The following PCDHGA11 variants were observed in gnomAD, a reference collection of about 807,000 sequenced individuals.
PCDHGA11 encodes protocadherin gamma-A11.
Under a neutral mutation model 60.4 loss-of-function variants are expected in PCDHGA11, and 39 were observed. The ratio of observed to expected loss-of-function variants is 0.65; its 90% CI spans 0.50 to 0.84. The LOEUF is 0.84. PCDHGA11 is among the 40% of genes least tolerant of loss of function. The pLI is 0.00. For synonymous variants in PCDHGA11, 533 were observed against 510.3 expected, an observed-to-expected ratio of 1.04 and a Z score of -0.60; for missense variants, 1,165 against 1,197.7, an observed-to-expected ratio of 0.97 and a Z score of 0.40.
chr5:141,495,853 C>T (rs1254274145), intron 2 of PCDHGA11, among the ~76,000 whole-genome samples: 1 of 152,136 alleles, frequency 6.6e-6, no homozygotes, highest in African/African-American at 2.4e-5. Context: ...TTCTCTGTCT[C>T]TCACTATTTC....
At chr5:141,459,714 T>C (rs1240430980) in intron 1 of PCDHGA11, among the ~76,000 whole-genome samples, 4 of 152,244 alleles carry the variant, frequency 2.6e-5, no homozygotes, top group Admixed American at 6.5e-5. Flanking sequence ...TTCTCACCAA[T>C]GCTTCCTATT....
intron 1 of PCDHGA11, among the ~76,000 whole-genome samples, chr5:141,480,874 G>A (rs1487409799): frequency 2.6e-5 from 4 of 151,950 alleles, no homozygotes; most frequent in African/African-American, 7.3e-5. Context: ...GTGAAACCCC[G>A]TCTCTACTAA....
intron 1 of PCDHGA11, among the ~76,000 whole-genome samples, chr5:141,430,383 G>GA (rs139772145): frequency 0.061 from 8,436 of 138,452 alleles, 243 homozygotes; most frequent in South Asian, 0.089. Context: ...AGCTCATTGG[G>GA]AAAAAAAAAA....
At chr5:141,466,965 C>A (rs1345790988) in intron 1 of PCDHGA11, among the ~76,000 whole-genome samples, 1 of 152,016 alleles carries the variant, frequency 6.6e-6, no homozygotes, top group East Asian at 1.9e-4. Context: ...CAAATATTTT[C>A]TCACAGCTCA....
chr5:141,483,750 A>G (rs1453478545), intron 1 of PCDHGA11, among the ~76,000 whole-genome samples: 1 of 152,138 alleles, frequency 6.6e-6, no homozygotes, highest in African/African-American at 2.4e-5. Flanking sequence ...ATTCCTGAGG[A>G]TCGAGGCTTG....
chr5:141,431,393 C>T lies in PCDHGA11; in HGVS notation c.2433+7733C>T, dbSNP rs1485575362. 5 of 1,613,884 alleles carry T rather than the reference C, an allele frequency of 3.1e-6. No individual in the cohort carries two copies. Among genetic ancestry groups the T allele is most frequent in the Non-Finnish European group, 4.2e-6 (5 of 1,180,048 alleles). On this transcript the variant is annotated intron_variant, in intron 1 of 3. Coordinates refer to ENST00000398587, the MANE Select transcript of PCDHGA11 (RefSeq NM_018914.3). The surrounding 1 kb of genome is among the most constrained non-coding windows in gnomAD (Gnocchi z 4.8). ...AGAAAAGGCTGCTCACCACCTGGTC[C>T]TTACGGCCTCCGACGGGGGCGACCC...
At chr5:141,456,020 C>A (rs2098840631) in intron 1 of PCDHGA11, among the ~76,000 whole-genome samples, 2 of 151,952 alleles carry the variant, frequency 1.3e-5, no homozygotes, top group South Asian at 4.2e-4. Flanking sequence ...GCCTCAGCCT[C>A]CCGAGTAGCT....
intron 2 of PCDHGA11, among the ~76,000 whole-genome samples, chr5:141,503,685 G>A (rs1171934407): frequency 2.6e-5 from 4 of 151,882 alleles, no homozygotes; most frequent in African/African-American, 9.7e-5. Context: ...TTGGGAAGGA[G>A]AATTGAGATT....
At position 141,493,356 on chromosome 5, in the gene PCDHGA11, C is replaced by A. The variant is rs1303319550; in HGVS notation, c.2434-1451C>A. Among the ~76,000 whole-genome samples, 1 of 152,182 alleles carries A rather than the reference C, an allele frequency of 6.6e-6. No individual in the cohort carries two copies. The highest frequency in any genetic ancestry group is 2.4e-5 in the African/African-American group (1 of 41,438). On this transcript the variant is annotated intron_variant, in intron 1 of 3. Transcript: ENST00000398587. This position sits in a 1 kb window ranked among gnomAD's most constrained non-coding sequence, Gnocchi z 4.3. ...ACTCCAGAATGTGTGCTTTTAATTT[C>A]TTGGCACTTGGAACTTTAAAAGCTT...
rs556484142 is a variant in PCDHGA11 at position 141,503,243 on chromosome 5, CA to C, written c.2493-2149del. On this transcript the variant is annotated intron_variant, in intron 2 of 3. Coordinates refer to ENST00000398587, the MANE Select transcript of PCDHGA11 (RefSeq NM_018914.3). ...CACCGTAAAGATGGACAGTTTCTAT[CA>C]TACTCACAGCCACAACCCCAGCACC... Among the ~76,000 whole-genome samples, 232 of 152,196 alleles carry C rather than the reference CA, an allele frequency of 1.5e-3. 2 individuals carry two copies. Among genetic ancestry groups the C allele is most frequent in the African/African-American group, 5.3e-3 (219 of 41,516 alleles).
At chr5:141,423,821 C>A (rs2096784513) in intron 1 of PCDHGA11, 161 bp downstream of exon 1, 1 of 1,272,728 alleles carries the variant, frequency 7.9e-7, no homozygotes, top group Admixed American at 3.9e-5. Context: ...TTTACTTTGC[C>A]TTTCATGAGA....
chr5:141,477,861 G>T lies in PCDHGA11; in HGVS notation c.2434-16946G>T. 6.2e-7 allele frequency: 1 copy of T among 1,612,714 alleles called. No homozygotes were observed. Among genetic ancestry groups the T allele is most frequent in the Non-Finnish European group, 8.5e-7 (1 of 1,179,590 alleles). ...GGGAGCTCGGTGGAGATGCTGCCTC[G>T]AGGTACCTCAGCTGGCCACCTAGTG... On this transcript the variant is annotated intron_variant, in intron 1 of 3. Coordinates refer to ENST00000398587, the MANE Select transcript of PCDHGA11 (RefSeq NM_018914.3). This position sits in a 1 kb window ranked among gnomAD's most constrained non-coding sequence, Gnocchi z 4.9.
chr5:141,505,596 T>G (rs2099846990), intron 3 of PCDHGA11, 115 bp downstream of exon 3: 1 of 1,562,168 alleles, frequency 6.4e-7, no homozygotes, highest in African/African-American at 1.4e-5. Context: ...CTCCAGATCT[T>G]TCGGCAGGTC....
At chr5:141,466,974 C>G (rs1314224956) in intron 1 of PCDHGA11, among the ~76,000 whole-genome samples, 1 of 151,944 alleles carries the variant, frequency 6.6e-6, no homozygotes, top group Non-Finnish European at 1.5e-5. Context: ...TCTCACAGCT[C>G]ATCATTTACC....
At position 141,489,219 on chromosome 5, in the gene PCDHGA11, T is replaced by C; in HGVS notation, c.2434-5588T>C. 1 of 1,502,828 alleles carries C rather than the reference T, an allele frequency of 6.7e-7. No homozygotes were observed. Among genetic ancestry groups the C allele is most frequent in the Non-Finnish European group, 8.9e-7 (1 of 1,117,962 alleles). 93.1% of individuals were successfully genotyped at this position (1,502,828 alleles called of 1,614,324 possible). On this transcript the variant is annotated intron_variant, in intron 1 of 3. Transcript: ENST00000398587. This position sits in a 1 kb window ranked among gnomAD's most constrained non-coding sequence, Gnocchi z 4.5. ...GAGACAGGACAGCACAGACTTACTC[T>C]CCACAAAGGGACTTCTGGGTCATGG...
At chr5:141,506,252 C>T (rs1158047426) in intron 3 of PCDHGA11, among the ~76,000 whole-genome samples, 1 of 151,968 alleles carries the variant, frequency 6.6e-6, no homozygotes, top group African/African-American at 2.4e-5. Flanking sequence ...AGTTCGAAAC[C>T]GGCCTGGCCA....
rs116140192 is a variant in PCDHGA11, at chr5:141,497,400, A to C, written c.2492+2535A>C. Among the ~76,000 whole-genome samples, 87 of 152,110 alleles carry C rather than the reference A, an allele frequency of 5.7e-4. 1 individual carries two copies. Among genetic ancestry groups the C allele is most frequent in the African/African-American group, 2.0e-3 (82 of 41,484 alleles). ...GGGGTGAGCACCTTACCCCTGCCTCAACTCCCATTCCATCAAATGAGAGGC... is the reference window on the plus strand; with the variant it reads ...GGGGTGAGCACCTTACCCCTGCCTCCACTCCCATTCCATCAAATGAGAGGC... On this transcript the variant is annotated intron_variant, in intron 2 of 3. Coordinates refer to ENST00000398587, the MANE Select transcript of PCDHGA11 (RefSeq NM_018914.3).
chr5:141,440,667 T>C (rs1330266877), intron 1 of PCDHGA11: 1 of 152,218 alleles, frequency 6.6e-6, no homozygotes, highest in East Asian at 1.9e-4. Context: ...GCAGCAACTC[T>C]ATATTTCTCT....
At chr5:141,423,940 G>T in intron 1 of PCDHGA11, 1 of 1,217,216 alleles carries the variant, frequency 8.2e-7, no homozygotes, top group Non-Finnish European at 1.0e-6. Context: ...TTTGAAGTAA[G>T]TTGAATTTTA....
Sources: allele counts gnomAD v4.1 joint callset (sites outside exome capture counted in the v4.1 genomes callset), GRCh38; gene constraint gnomAD v4.1.1; non-coding constraint Gnocchi (gnomAD v3.1); transcripts MANE v1.5; gene names NCBI Gene and HGNC (gene_info 2026-07-23, HGNC 2026-07-21).